DDX31: variants seen among roughly 807,000 people sequenced by gnomAD.
DDX31 encodes ATP-dependent DNA helicase DDX31.
Under a neutral mutation model 91.3 loss-of-function variants are expected in DDX31, and 70 were observed. That is an observed-to-expected ratio of 0.77 (90% CI 0.63 to 0.94). DDX31 has a LOEUF of 0.94. Ranked by LOEUF, DDX31 falls within the 40% of genes least tolerant of loss-of-function variation. The pLI is 0.00. For missense variants in DDX31, 902 were observed against 925.0 expected (o/e 0.98, Z 0.32); for synonymous variants, 362 against 350.6 (o/e 1.03, Z -0.36).
intron 18 of DDX31, among the ~76,000 whole-genome samples, chr9:132,617,840 A>C (rs1831743879): frequency 6.6e-6 from 1 of 152,188 alleles, no homozygotes. Context: ...TCTCTCTTTC[A>C]TAAATTTCCT....
At chr9:132,611,112 C>T (rs926662368) in intron 19 of DDX31, among the ~76,000 whole-genome samples, 2 of 152,216 alleles carry the variant, frequency 1.3e-5, no homozygotes, top group Admixed American at 1.3e-4. Context: ...GAACAGGCAG[C>T]TCAGAGTGGT....
At chr9:132,626,804 A>C (rs1364777622) in intron 16 of DDX31, among the ~76,000 whole-genome samples, 4 of 152,082 alleles carry the variant, frequency 2.6e-5, no homozygotes, top group African/African-American at 7.2e-5. Context: ...ATCTCCCTGC[A>C]CACCCCCAGC....
At chr9:132,627,543 TAC>T (rs1832470549) in intron 16 of DDX31, among the ~76,000 whole-genome samples, 1 of 152,218 alleles carries the variant, frequency 6.6e-6, no homozygotes, top group Admixed American at 6.5e-5. Flanking sequence ...ATCTAAGAAA[TAC>T]ACATTTTGAT....
intron 3 of DDX31, 39 bp downstream of exon 3, chr9:132,662,222 C>CA (rs374093413): frequency 3.8e-5 from 60 of 1,598,344 alleles, no homozygotes; most frequent in East Asian, 1.8e-4. Flanking sequence ...ACAAACACAC[C>CA]AAAAAAAACT....
intron 1 of DDX31, among the ~76,000 whole-genome samples, 199 bp from the exon 2 acceptor site, chr9:132,662,894 G>GA (rs1289445004): frequency 6.6e-6 from 1 of 152,096 alleles, no homozygotes; most frequent in Non-Finnish European, 1.5e-5. Flanking sequence ...AAAGAAAAAA[G>GA]AAAAAAGTCT....
At chr9:132,619,989 T>C (rs1213454649) in intron 17 of DDX31, among the ~76,000 whole-genome samples, 17 of 152,116 alleles carry the variant, frequency 1.1e-4, no homozygotes, top group Admixed American at 1.1e-3. Flanking sequence ...TGAAAACTTT[T>C]TCCTCTTTTT....
intron 16 of DDX31, among the ~76,000 whole-genome samples, chr9:132,627,180 AAG>A (rs1285286656): frequency 6.6e-6 from 1 of 152,228 alleles, no homozygotes; most frequent in Non-Finnish European, 1.5e-5. Context: ...GCAGAAAGAA[AAG>A]AGTAATGCCG....
chr9:132,611,679 C>T (rs1831349360), intron 19 of DDX31, among the ~76,000 whole-genome samples: 2 of 152,220 alleles, frequency 1.3e-5, no homozygotes, highest in South Asian at 4.2e-4. Flanking sequence ...CAGCACTGAC[C>T]CCAAAGCCAG....
chr9:132,640,746 G>A (rs1016269451), intron 14 of DDX31, among the ~76,000 whole-genome samples: 8 of 152,104 alleles, frequency 5.3e-5, no homozygotes, highest in East Asian at 3.9e-4. Flanking sequence ...GGGCTCAAGC[G>A]ATCCTCCCAC....
chr9:132,655,527 G>C (rs1465024672), intron 6 of DDX31, among the ~76,000 whole-genome samples: 1 of 152,180 alleles, frequency 6.6e-6, no homozygotes, highest in African/African-American at 2.4e-5. Flanking sequence ...ACAAGAGACT[G>C]GTAATAACCA....
Position 132,669,926 on chromosome 9 carries a change from G to C in DDX31, c.9C>G (p.Ala3=). 1 of 1,593,208 alleles carries C rather than the reference G, an allele frequency of 6.3e-7. No individual in the cohort carries two copies. Among genetic ancestry groups the C allele is most frequent in the Non-Finnish European group, 8.5e-7 (1 of 1,170,894 alleles). ...GGTTGTCGAAGAGCGAACCGTCGGC[G>C]GCTGCCATGGTCTGCGTGGGTGACG... MA[A]ADGSLFDNPR... is the part of the protein sequence containing the mutation. The change falls in exon 1 of 20, where the codon GCC becomes GCG. Residue 3 remains alanine, a synonymous_variant. Coordinates refer to ENST00000372159, the MANE Select transcript of DDX31 (RefSeq NM_022779.9).
chr9:132,594,752 G>C lies in DDX31; in HGVS notation c.*114C>G. ...TGTGGCCCCTCTGATTCTTGGGGAC[G>C]TGGTATTCAGGCAAAGGCGCAGTTA... is the stretch of plus-strand genomic sequence containing the variant. On this transcript the variant is annotated 3_prime_UTR_variant, in exon 20 of 20. Coordinates refer to ENST00000372159, the MANE Select transcript of DDX31 (RefSeq NM_022779.9). The C allele has an allele frequency of 1.3e-6, 2 of 1,489,760 alleles. No homozygotes were observed. The highest frequency in any genetic ancestry group is 1.3e-5 in the South Asian group (1 of 74,384). The allele number at this position is 1,489,760 out of a possible 1,614,324, so 92.3% of individuals were successfully genotyped here. A position where few individuals can be genotyped will look rare whatever the true frequency, so the allele number is the denominator to read the frequency against.
At chr9:132,635,123 G>T (rs1011537542) in intron 14 of DDX31, among the ~76,000 whole-genome samples, 1 of 152,180 alleles carries the variant, frequency 6.6e-6, no homozygotes, top group Non-Finnish European at 1.5e-5. Flanking sequence ...CCTCAGGGTG[G>T]TGTGTGCTTC....
intron 11 of DDX31, 127 bp downstream of exon 11, chr9:132,648,062 G>T: frequency 1.4e-6 from 1 of 704,326 alleles, no homozygotes; most frequent in South Asian, 1.9e-5. Flanking sequence ...AGTCTTCTAA[G>T]GACAGCTCTC....
Position 132,642,077 on chromosome 9 carries a change from G to C in DDX31, c.1381-14C>G. On this transcript the variant is annotated splice_polypyrimidine_tract_variant and intron_variant, in intron 13 of 19. Transcript: ENST00000372159. ...TGCTGTTCTTTCCTACAAAAACAAG[G>C]AAAAATAGAGCCTTACAACTCAGAG... 1 of 1,613,654 alleles carries C rather than the reference G, an allele frequency of 6.2e-7. No individual in the cohort carries two copies. Among genetic ancestry groups the C allele is most frequent in the Non-Finnish European group, 8.5e-7 (1 of 1,179,642 alleles).
chr9:132,619,883 T>G (rs1253642068), intron 17 of DDX31, among the ~76,000 whole-genome samples: 70 of 151,336 alleles, frequency 4.6e-4, no homozygotes, highest in Admixed American at 5.3e-4. Flanking sequence ...TCCCTGTGTT[T>G]TTTTTTTTTT....
intron 13 of DDX31, 75 bp downstream of exon 13, chr9:132,645,820 T>A (rs1157374683): frequency 1.3e-6 from 2 of 1,486,608 alleles, no homozygotes; most frequent in Middle Eastern, 2.5e-4. Context: ...AAGACCAGGT[T>A]TGCCGGACTC....
chr9:132,664,986 C>T (rs1049477753), intron 1 of DDX31, among the ~76,000 whole-genome samples: 2 of 152,194 alleles, frequency 1.3e-5, no homozygotes, highest in Non-Finnish European at 2.9e-5. Flanking sequence ...CCTCTCTTCA[C>T]CCAGTCAAGC....
intron 6 of DDX31, among the ~76,000 whole-genome samples, chr9:132,655,039 A>G (rs1301330270): frequency 6.6e-6 from 1 of 151,922 alleles, no homozygotes; most frequent in African/African-American, 2.4e-5. Flanking sequence ...CCGCTGCTGG[A>G]GTGCACACTG....
Sources: allele counts gnomAD v4.1 joint callset (sites outside exome capture counted in the v4.1 genomes callset), GRCh38; gene constraint gnomAD v4.1.1; transcripts MANE v1.5; gene names NCBI Gene and HGNC (gene_info 2026-07-23, HGNC 2026-07-21).